KLHL29: variants seen among roughly 807,000 people sequenced by gnomAD.
KLHL29 encodes kelch like family member 29.
In KLHL29, 21 loss-of-function variants were observed where a neutral mutation model predicts 80.4. That is an observed-to-expected ratio of 0.26 (90% confidence interval 0.19 to 0.38). KLHL29 has a LOEUF of 0.38. Among genes scored for constraint, KLHL29 ranks in the 10% least tolerant of loss-of-function variants. The pLI, the probability that KLHL29 is intolerant of heterozygous loss-of-function variation, is 1.00. For missense variants in KLHL29, 867 were observed against 1,223.9 expected (o/e 0.71, Z 4.35); for synonymous variants, 511 against 526.8 (o/e 0.97, Z 0.41).
chr2:23,413,612 G>A (rs1164675815), intron 1 of KLHL29, among the ~76,000 whole-genome samples: 2 of 152,182 alleles, frequency 1.3e-5, no homozygotes, highest in Non-Finnish European at 2.9e-5. Context: ...AGAGACGGGA[G>A]AAAGAACAAC....
chr2:23,629,237 C>T (rs755972771), intron 3 of KLHL29, among the ~76,000 whole-genome samples: 57 of 151,662 alleles, frequency 3.8e-4, no homozygotes, highest in Non-Finnish European at 2.4e-4. Flanking sequence ...CACTGGCTCC[C>T]GCACATCACA....
chr2:23,469,968 T>TG (rs1176063547), intron 1 of KLHL29, among the ~76,000 whole-genome samples: 1 of 150,770 alleles, frequency 6.6e-6, no homozygotes, highest in African/African-American at 2.4e-5. Flanking sequence ...AGGGCTGAGT[T>TG]GGGTGAGTTC....
In KLHL29 at chr2:23,389,024, GT is replaced by G. The variant is rs569957550; in HGVS notation, c.-154+3246del. Among the ~76,000 whole-genome samples, 4 of 79,132 alleles carry G rather than the reference GT, an allele frequency of 5.1e-5. No individual in the cohort carries two copies. In the East Asian group the frequency reaches 1.4e-3, roughly 27 times the overall value. The allele number at this position is 79,132 out of a possible 152,430, so 51.9% of individuals were successfully genotyped here. ...TTTTTTTTTTTAAAATCCCAGTACT[GT>G]TATGGCTTAGGCATTCTTTGTGTCA... On this transcript the variant is annotated intron_variant, in intron 1 of 13. Coordinates refer to ENST00000486442, the MANE Select transcript of KLHL29 (RefSeq NM_052920.2).
chr2:23,604,740 T>C (rs563757), intron 3 of KLHL29, among the ~76,000 whole-genome samples: 127,267 of 152,110 alleles, frequency 0.84, 53,592 homozygotes, highest in East Asian at 1. Flanking sequence ...AAGGAGGACC[T>C]TCTGAGGTTA....
At chr2:23,477,638 G>A (rs1412172965) in intron 2 of KLHL29, among the ~76,000 whole-genome samples, 2 of 152,276 alleles carry the variant, frequency 1.3e-5, no homozygotes. Context: ...GTGGGCGACA[G>A]CTGTCCTTGC....
At chr2:23,496,006 G>C (rs2103451303) in intron 2 of KLHL29, among the ~76,000 whole-genome samples, 2 of 152,304 alleles carry the variant, frequency 1.3e-5, no homozygotes, top group Middle Eastern at 6.8e-3. Flanking sequence ...TCCTCCCTCA[G>C]CCCGAGCTGC....
At chr2:23,670,255 C>T (rs1052896289) in intron 5 of KLHL29, 6 of 152,280 alleles carry the variant, frequency 3.9e-5, no homozygotes, top group African/African-American at 1.4e-4. Flanking sequence ...AGGGATTGGC[C>T]TGGGACGCAG....
At chr2:23,495,177 T>C (rs1037157394) in intron 2 of KLHL29, among the ~76,000 whole-genome samples, 1 of 152,178 alleles carries the variant, frequency 6.6e-6, no homozygotes, top group African/African-American at 2.4e-5. Context: ...CGTGCATCAC[T>C]GTACCTGGCT....
Position 23,558,678 on chromosome 2 carries a change from A to G in KLHL29, c.-45-3474A>G, listed in dbSNP as rs543324732. On this transcript the variant is annotated intron_variant, in intron 2 of 13. Transcript: ENST00000486442. ...CTTGGCCTCCCAAAGTTCTGGGATTACAGGCGTGAGCCCCCACGCCCAGGC... is the reference window on the plus strand; with the variant it reads ...CTTGGCCTCCCAAAGTTCTGGGATTGCAGGCGTGAGCCCCCACGCCCAGGC... Among the ~76,000 whole-genome samples the G allele has an allele frequency of 2.6e-3, 402 of 152,330 alleles. 2 individuals carry two copies. Among genetic ancestry groups the G allele is most frequent in the African/African-American group, 9.1e-3 (379 of 41,580 alleles).
At chr2:23,529,362 G>C (rs528632988) in intron 2 of KLHL29, among the ~76,000 whole-genome samples, 1 of 152,222 alleles carries the variant, frequency 6.6e-6, no homozygotes, top group African/African-American at 2.4e-5. Flanking sequence ...CAATCCTCCC[G>C]CCTCAGCCTC....
At chr2:23,462,263 GC>G (rs1249084814) in intron 1 of KLHL29, among the ~76,000 whole-genome samples, 12 of 152,162 alleles carry the variant, frequency 7.9e-5, no homozygotes, top group Non-Finnish European at 1.5e-4. Flanking sequence ...TTCTGGCAAA[GC>G]ATAGGAAATG....
chr2:23,487,680 G>C (rs10169643), intron 2 of KLHL29, among the ~76,000 whole-genome samples: 111,560 of 152,074 alleles, frequency 0.73, 41,196 homozygotes, highest in East Asian at 0.92. Context: ...CTAAAAGGCT[G>C]CATTCTTTTT....
intron 2 of KLHL29, among the ~76,000 whole-genome samples, chr2:23,536,944 T>TCTCTCTCC (rs1329391129): frequency 3.7e-4 from 55 of 150,366 alleles, no homozygotes; most frequent in African/African-American, 1.3e-3. Flanking sequence ...TCTCGCTCTC[T>TCTCTCTCC]CTCTCTCCCT....
chr2:23,622,839 G>A (rs1230027345), intron 3 of KLHL29, among the ~76,000 whole-genome samples: 2 of 152,232 alleles, frequency 1.3e-5, no homozygotes, highest in African/African-American at 4.8e-5. Flanking sequence ...ATAATTCTAT[G>A]GTGTAGGTAC....
chr2:23,660,228 G>C (rs1051291083), intron 5 of KLHL29, among the ~76,000 whole-genome samples: 1 of 152,096 alleles, frequency 6.6e-6, no homozygotes, highest in Non-Finnish European at 1.5e-5. Flanking sequence ...ACCACCCCCT[G>C]CCTCACCAAC....
At chr2:23,471,979 T>A (rs1303071552) in intron 1 of KLHL29, among the ~76,000 whole-genome samples, 1 of 152,210 alleles carries the variant, frequency 6.6e-6, no homozygotes, top group Non-Finnish European at 1.5e-5. Flanking sequence ...GAGTGGGACA[T>A]GCTTAGGTGC....
At chr2:23,690,794 C>G (rs1671545346) in intron 6 of KLHL29, 3 of 152,310 alleles carry the variant, frequency 2.0e-5, no homozygotes, top group Admixed American at 2.0e-4. Flanking sequence ...GGGGCAGCTG[C>G]CAGGCCTTAG....
At chr2:23,595,605 C>T (rs1348761350) in intron 3 of KLHL29, among the ~76,000 whole-genome samples, 1 of 152,154 alleles carries the variant, frequency 6.6e-6, no homozygotes, top group African/African-American at 2.4e-5. Flanking sequence ...TGGCAGGCAG[C>T]GGGCACTGCC....
At chr2:23,428,216 G>A (rs1048282872) in intron 1 of KLHL29, among the ~76,000 whole-genome samples, 2 of 152,218 alleles carry the variant, frequency 1.3e-5, no homozygotes, top group African/African-American at 4.8e-5. Context: ...GACGTGGGCA[G>A]GTCTAGGAAT....
Sources: gnomAD v4.1 joint callset for allele counts (sites outside exome capture counted in the v4.1 genomes callset) on GRCh38, gnomAD v4.1.1 for gene constraint, MANE v1.5 for transcripts, NCBI Gene and HGNC (gene_info 2026-07-23, HGNC 2026-07-21) for gene names.